GPSM1: variants seen among roughly 807,000 people sequenced by gnomAD.
The protein encoded by GPSM1 is G protein-signaling modulator 1.
In GPSM1, 48 loss-of-function variants were observed where a neutral mutation model predicts 70.5. The ratio of observed to expected loss-of-function variants is 0.68; its 90% CI spans 0.54 to 0.87. The LOEUF (loss-of-function observed/expected upper bound fraction) is 0.87. Ranked by LOEUF, GPSM1 falls within the 40% of genes least tolerant of loss-of-function variation. GPSM1 has a pLI of 0.00. For missense variants in GPSM1, 981 were observed against 972.6 expected, an observed-to-expected ratio of 1.01 and a Z score of -0.11; for synonymous variants, 416 against 430.1, an observed-to-expected ratio of 0.97 and a Z score of 0.41.
chr9:136,336,883 C>T (rs1832251075), intron 3 of GPSM1, 38 bp from the exon 4 acceptor site: 4 of 1,531,326 alleles, frequency 2.6e-6, no homozygotes, highest in South Asian at 1.2e-5. Flanking sequence ...TGTGGGGGGC[C>T]GTGGAGGCAT....
chr9:136,352,785 G>T (rs781873381), intron 11 of GPSM1, among the ~76,000 whole-genome samples: 1 of 152,258 alleles, frequency 6.6e-6, no homozygotes, highest in Non-Finnish European at 1.5e-5. Context: ...AGCGGGAAAA[G>T]GGCTCTTCGG....
chr9:136,346,971 C>T (rs1159785576), intron 9 of GPSM1, among the ~76,000 whole-genome samples: 2 of 152,202 alleles, frequency 1.3e-5, no homozygotes, highest in African/African-American at 4.8e-5. Context: ...CCCCGGCACC[C>T]TGCCTGGCCA....
Position 136,337,030 on chromosome 9 carries a change from C to T in GPSM1, c.536C>T (p.Pro179Leu), listed in dbSNP as rs782425782. 1 of 1,551,872 alleles carries T rather than the reference C, an allele frequency of 6.4e-7. No homozygotes were observed. Among genetic ancestry groups the T allele is most frequent in the South Asian group, 1.2e-5 (1 of 84,124 alleles). Residue 179 changes from proline to leucine, a missense_variant, in exon 4 of 14, where the codon CCC becomes CTC. By Grantham distance (98) the Pro-to-Leu change is moderately conservative. Coordinates refer to ENST00000440944, the MANE Select transcript of GPSM1 (RefSeq NM_001145638.3). ...NATQDPGHLPPDVRETLCKAS... is the reference protein window; with the variant it reads ...NATQDPGHLPLDVRETLCKAS... ...ACGCAGGACCCCGGGCACCTGCCGC[C>T]CGATGTCCGAGAGACCCTGTGCAAG...
Position 136,343,051 on chromosome 9 carries a change from C to T in GPSM1, c.1207+2058C>T, listed in dbSNP as rs1350453942. Among the ~76,000 whole-genome samples, 3 of 152,038 alleles carry T rather than the reference C, an allele frequency of 2.0e-5. No homozygotes were observed. Among genetic ancestry groups the T allele is most frequent in the Non-Finnish European group, 4.4e-5 (3 of 67,966 alleles). On this transcript the variant is annotated intron_variant, in intron 9 of 13. Transcript: ENST00000440944. This position sits in a 1 kb window ranked among gnomAD's most constrained non-coding sequence, Gnocchi z 6.0. ...AAGAGCCTTGGCGCGGCTCAGTCAG[C>T]GTATTAATCTCACCGCCCTCTGCTG...
intron 9 of GPSM1, among the ~76,000 whole-genome samples, chr9:136,344,327 G>C (rs1019715303): frequency 6.6e-6 from 1 of 152,178 alleles, no homozygotes; most frequent in Non-Finnish European, 1.5e-5. Flanking sequence ...GGTCCATTCC[G>C]ACTGCCCTCA....
chr9:136,356,248 T>C lies in GPSM1; in HGVS notation c.1613-94T>C, dbSNP rs1832818724. Reference sequence around the variant, plus strand: ...GCCCCAGCAGCACAGTGGGCTGGGCTGGGCTCAGAGGTCAGAGCTCACTGT... The same window carrying C: ...GCCCCAGCAGCACAGTGGGCTGGGCCGGGCTCAGAGGTCAGAGCTCACTGT... On this transcript the variant is annotated intron_variant, in intron 12 of 13. Transcript: ENST00000440944. 5.1e-6 allele frequency: 5 copies of C among 975,040 alleles called. No individual in the cohort carries two copies. In the South Asian group the frequency reaches 8.7e-5, roughly 17 times the overall value. The allele number at this position is 975,040 out of a possible 1,614,324, so 60.4% of individuals were successfully genotyped here. A position where few individuals can be genotyped will look rare whatever the true frequency, so the allele number is the denominator to read the frequency against.
intron 1 of GPSM1, among the ~76,000 whole-genome samples, chr9:136,330,132 C>T (rs1427188087): frequency 3.3e-5 from 5 of 152,080 alleles, no homozygotes; most frequent in South Asian, 2.1e-4. Flanking sequence ...GAGAAGGCCC[C>T]GGAAAGTGGG....
Position 136,338,702 on chromosome 9 carries a change from G to T in GPSM1, c.966G>T (p.Leu322=). 1 of 1,556,470 alleles carries T rather than the reference G, an allele frequency of 6.4e-7. No individual in the cohort carries two copies. ...HLRHLLIAQE[L]ADRVGEGRAC... is the part of the protein sequence containing the mutation. ...GGCACCTGCTCATTGCCCAGGAGCT[G>T]GCCGACAGGTGCGTGGGCGCGGACG... Residue 322 remains leucine, a synonymous_variant, in exon 7 of 14, where the codon CTG becomes CTT. Coordinates refer to ENST00000440944, the MANE Select transcript of GPSM1 (RefSeq NM_001145638.3).
chr9:136,347,718 G>A lies in GPSM1; in HGVS notation c.1208-979G>A, dbSNP rs187623003. Among the ~76,000 whole-genome samples the A allele has an allele frequency of 4.5e-4, 61 of 134,458 alleles. No individual in the cohort carries two copies. The East Asian group carries it at 7.9e-3, about 17-fold the overall frequency. 88.2% of individuals were successfully genotyped at this position (134,458 alleles called of 152,430 possible). A position where few individuals can be genotyped will look rare whatever the true frequency, so the allele number is the denominator to read the frequency against. The stretch of plus-strand genomic sequence containing the variant: ...TGGTTGAGGACATTCCCCACTTCCC[G>A]GATTCCATCCCATTTTTTCCGTTCG... On this transcript the variant is annotated intron_variant, in intron 9 of 13. Coordinates refer to ENST00000440944, the MANE Select transcript of GPSM1 (RefSeq NM_001145638.3).
chr9:136,339,622 T>C, intron 7 of GPSM1, 85 bp from the exon 8 acceptor site: 1 of 933,094 alleles, frequency 1.1e-6, no homozygotes, highest in East Asian at 2.6e-5. Flanking sequence ...AGGGTCATGC[T>C]GGGGCCGTGA....
At chr9:136,352,935 C>CTG in intron 11 of GPSM1, 1 of 183,870 alleles carries the variant, frequency 5.4e-6, no homozygotes, top group Non-Finnish European at 1.0e-5. Context: ...GTGTGTGAGC[C>CTG]TGTGTGTGTG....
Position 136,334,329 on chromosome 9 carries a change from G to A in GPSM1, c.69-118G>A, listed in dbSNP as rs551286663. ...AGAGACACTTAGGTCTGTGAGCACA[G>A]ATGTGGTGTGTGCCCTAGCCCACCC... is the stretch of plus-strand genomic sequence containing the variant. On this transcript the variant is annotated intron_variant, in intron 1 of 13. Transcript: ENST00000440944. 6.3e-4 allele frequency: 439 copies of A among 692,974 alleles called. 3 individuals are homozygous for A. In the African/African-American group the frequency reaches 6.9e-3, roughly 11 times the overall value. The allele number at this position is 692,974 out of a possible 1,614,324, so 42.9% of individuals were successfully genotyped here.
chr9:136,348,817 G>A lies in GPSM1; in HGVS notation c.1278+50G>A, dbSNP rs782532428. 2.2e-4 allele frequency: 312 copies of A among 1,404,856 alleles called. 5 individuals are homozygous for A. In the South Asian group the frequency reaches 3.5e-3, roughly 16 times the overall value. 87.0% of individuals were successfully genotyped at this position (1,404,856 alleles called of 1,614,324 possible). A position where few individuals can be genotyped will look rare whatever the true frequency, so the allele number is the denominator to read the frequency against. On this transcript the variant is annotated intron_variant, in intron 10 of 13. Coordinates refer to ENST00000440944, the MANE Select transcript of GPSM1 (RefSeq NM_001145638.3). Reference sequence around the variant, plus strand: ...GTCAGCACAGCCGCTGCCAGAGCATGGGCAGCGGGGTTAATGAGGCAGAGC... The same window carrying A: ...GTCAGCACAGCCGCTGCCAGAGCATAGGCAGCGGGGTTAATGAGGCAGAGC...
At chr9:136,354,972 G>T in intron 11 of GPSM1, 1 of 1,072,940 alleles carries the variant, frequency 9.3e-7, no homozygotes, top group Non-Finnish European at 1.1e-6. Flanking sequence ...CCTGGACTGG[G>T]GTAGCACCCA....
In GPSM1 at chr9:136,327,832, G is replaced by A. The variant is rs532397640; in HGVS notation, c.68+69G>A. 2.1e-3 allele frequency: 1,182 copies of A among 573,294 alleles called. 6 individuals are homozygous for A. The highest frequency in any genetic ancestry group is 0.015 in the African/African-American group (752 of 51,146). 35.5% of individuals were successfully genotyped at this position (573,294 alleles called of 1,614,324 possible). On this transcript the variant is annotated intron_variant, in intron 1 of 13. Transcript: ENST00000440944. ...GACCGGGCCGGGTCGGGACGCGGGG[G>A]AGGCTGCAGTTGGGAACAAAGGCAG... is the stretch of plus-strand genomic sequence containing the variant.
intron 11 of GPSM1, among the ~76,000 whole-genome samples, chr9:136,350,923 C>T (rs530534383): frequency 3.3e-5 from 5 of 152,140 alleles, no homozygotes; most frequent in South Asian, 2.1e-4. Flanking sequence ...GGTGACAGGC[C>T]GGGCCTGTGC....
chr9:136,328,707 C>T (rs1053102142), intron 1 of GPSM1, among the ~76,000 whole-genome samples: 9 of 152,210 alleles, frequency 5.9e-5, no homozygotes, highest in Admixed American at 2.6e-4. Context: ...TTGCTGCCTC[C>T]GGTCTGCTCT....
intron 2 of GPSM1, 106 bp from the exon 3 acceptor site, chr9:136,335,860 T>C: frequency 1.7e-6 from 2 of 1,168,696 alleles, no homozygotes; most frequent in African/African-American, 1.5e-5. Context: ...GTCCACTCCA[T>C]GCTGGTCCCT....
intron 11 of GPSM1, among the ~76,000 whole-genome samples, chr9:136,354,073 CT>C (rs1198205994): frequency 1.3e-5 from 2 of 152,148 alleles, no homozygotes; most frequent in South Asian, 2.1e-4. Context: ...GGTGCTAGAA[CT>C]CTCCCTCCTC....
Sources: gnomAD v4.1 joint callset for allele counts (sites outside exome capture counted in the v4.1 genomes callset) on GRCh38, gnomAD v4.1.1 for gene constraint, Gnocchi (gnomAD v3.1) non-coding constraint, MANE v1.5 for transcripts, NCBI Gene and HGNC (gene_info 2026-07-23, HGNC 2026-07-21) for gene names.